GLDC: variants seen among roughly 807,000 people sequenced by gnomAD.
The protein encoded by GLDC is glycine decarboxylase.
A neutral mutation model predicts 121.3 loss-of-function variants in GLDC; 104 were observed. The observed-to-expected ratio is 0.86, with a 90% CI of 0.73 to 1.01. The LOEUF (loss-of-function observed/expected upper bound fraction) is 1.01. Ranked by LOEUF, GLDC falls within the 50% of genes least tolerant of loss-of-function variation. The pLI, the probability that GLDC is intolerant of heterozygous loss-of-function variation, is 0.00. For missense variants in GLDC, 1,429 were observed against 1,306.6 expected (o/e 1.09, Z -1.44); for synonymous variants, 546 against 480.6 (o/e 1.14, Z -1.78).
intron 16 of GLDC, among the ~76,000 whole-genome samples, chr9:6,560,293 C>A (rs971565038): frequency 6.6e-6 from 1 of 152,210 alleles, no homozygotes; most frequent in Non-Finnish European, 1.5e-5. Flanking sequence ...GCTTACAGCT[C>A]TTTCCTCAAA....
In GLDC at chr9:6,589,267, T is replaced by C; in HGVS notation, c.1508A>G (p.Glu503Gly). 1 of 1,608,928 alleles carries C rather than the reference T, an allele frequency of 6.2e-7. No individual in the cohort carries two copies. Among genetic ancestry groups the C allele is most frequent in the Non-Finnish European group, 8.5e-7 (1 of 1,175,330 alleles). ...AGACCCTGGAATACCTCTGCACTCC[T>C]CTCCCATGCTTTCAGCAACCAGTTC... is the stretch of plus-strand genomic sequence containing the variant. Reference protein sequence around the residue: ...SAELVAESMGEECRGIPGSVF... With the variant: ...SAELVAESMGGECRGIPGSVF... Residue 503 changes from glutamate to glycine, a missense_variant, in exon 12 of 25, where the codon GAG becomes GGG. Transcript: ENST00000321612.
At chr9:6,587,427 C>A in intron 14 of GLDC, 144 bp from the exon 15 acceptor site, 1 of 679,620 alleles carries the variant, frequency 1.5e-6, no homozygotes, top group South Asian at 1.7e-5. Flanking sequence ...TATTTAAGTT[C>A]CACCACAACC....
intron 11 of GLDC, among the ~76,000 whole-genome samples, chr9:6,590,961 T>C (rs1342758491): frequency 6.6e-6 from 1 of 152,230 alleles, no homozygotes; most frequent in Non-Finnish European, 1.5e-5. Context: ...CACTCAGCAC[T>C]CTGGAAGGTA....
intron 2 of GLDC, among the ~76,000 whole-genome samples, chr9:6,634,372 T>C (rs544630397): frequency 6.6e-6 from 1 of 151,690 alleles, no homozygotes; most frequent in East Asian, 1.9e-4. Flanking sequence ...CTACAAAAAA[T>C]ACAAAATGTA....
At chr9:6,633,821 CTTTTTTTTTT>C (rs1156711956) in intron 2 of GLDC, among the ~76,000 whole-genome samples, 42 of 89,458 alleles carry the variant, frequency 4.7e-4, no homozygotes, top group South Asian at 1.3e-3. Context: ...GCAGGAGAAT[CTTTTTTTTTT>C]TTTTTTTTTT....
At chr9:6,563,373 C>G (rs1326828569) in intron 16 of GLDC, among the ~76,000 whole-genome samples, 4 of 152,260 alleles carry the variant, frequency 2.6e-5, no homozygotes, top group African/African-American at 9.6e-5. Flanking sequence ...GCAAACACTG[C>G]TTTCTGCGGC....
chr9:6,569,340 C>T (rs960159546), intron 15 of GLDC: 4 of 152,104 alleles, frequency 2.6e-5, no homozygotes, highest in Non-Finnish European at 4.4e-5. Flanking sequence ...AGAACCCTAG[C>T]CAAACATACT....
chr9:6,596,353 A>G (rs1818494099), intron 8 of GLDC, among the ~76,000 whole-genome samples: 1 of 152,218 alleles, frequency 6.6e-6, no homozygotes, highest in Non-Finnish European at 1.5e-5. Flanking sequence ...CTTTTTAAAA[A>G]CTTCAAAGGG....
At position 6,539,588 on chromosome 9, in the gene GLDC, A is replaced by G. The variant is rs145520610; in HGVS notation, c.2665+463T>C. 3.3e-4 allele frequency among the ~76,000 whole-genome samples: 50 copies of G among 152,296 alleles called. No individual in the cohort carries two copies. In the East Asian group the frequency reaches 5.6e-3, roughly 17 times the overall value. ...ATGAACACCCACTAATGCACAGGTAAAGTGTCCGTGTCTTTCAAAATGCTT... is the reference window on the plus strand; with the variant it reads ...ATGAACACCCACTAATGCACAGGTAGAGTGTCCGTGTCTTTCAAAATGCTT... On this transcript the variant is annotated intron_variant, in intron 22 of 24. Coordinates refer to ENST00000321612, the MANE Select transcript of GLDC (RefSeq NM_000170.3).
intron 8 of GLDC, among the ~76,000 whole-genome samples, chr9:6,601,464 G>A (rs1408837240): frequency 1.3e-5 from 2 of 152,142 alleles, no homozygotes; most frequent in African/African-American, 4.8e-5. Context: ...CTTACGCTTT[G>A]CCTGTTCAGG....
intron 8 of GLDC, 71 bp from the exon 9 acceptor site, chr9:6,595,190 T>A: frequency 9.8e-7 from 1 of 1,017,304 alleles, no homozygotes; most frequent in Non-Finnish European, 1.6e-6. Flanking sequence ...TTACTTGACT[T>A]GGGATGTCAA....
chr9:6,551,560 T>C (rs555678809), intron 20 of GLDC, among the ~76,000 whole-genome samples: 12 of 152,214 alleles, frequency 7.9e-5, no homozygotes, highest in Admixed American at 1.3e-4. Context: ...GTAAAGAGAA[T>C]GAGAGAGCAC....
At chr9:6,619,095 A>T (rs1170594174) in intron 3 of GLDC, among the ~76,000 whole-genome samples, 1 of 141,842 alleles carries the variant, frequency 7.1e-6, no homozygotes, top group Non-Finnish European at 1.5e-5. Context: ...GTGAGCCAAG[A>T]TCATCCCACT....
intron 8 of GLDC, among the ~76,000 whole-genome samples, chr9:6,601,366 G>C (rs1237320683): frequency 2.6e-5 from 4 of 152,134 alleles, no homozygotes; most frequent in Non-Finnish European, 4.4e-5. Context: ...CCAACGCCAA[G>C]AATACTAGAG....
intron 15 of GLDC, among the ~76,000 whole-genome samples, chr9:6,571,621 G>T (rs1456468901): frequency 2.6e-5 from 4 of 152,168 alleles, no homozygotes; most frequent in Non-Finnish European, 4.4e-5. Context: ...ATACACAGTG[G>T]ATATGCTGGA....
At chr9:6,620,102 G>C (rs367903606) in intron 3 of GLDC, 82 bp downstream of exon 3, 2 of 1,407,532 alleles carry the variant, frequency 1.4e-6, no homozygotes, top group African/African-American at 2.8e-5. Context: ...TGGAGGCTCT[G>C]AGACTGCAAG....
chr9:6,615,183 A>C (rs1386070791), intron 3 of GLDC, among the ~76,000 whole-genome samples: 2 of 152,200 alleles, frequency 1.3e-5, no homozygotes, highest in Non-Finnish European at 2.9e-5. Context: ...AAGGTTATTC[A>C]AGTGAATAAT....
intron 16 of GLDC, among the ~76,000 whole-genome samples, chr9:6,563,771 A>G (rs1169922462): frequency 3.9e-5 from 6 of 152,196 alleles, no homozygotes; most frequent in African/African-American, 1.2e-4. Context: ...CTGGACTGGC[A>G]AGCAGTCCTT....
intron 16 of GLDC, 100 bp from the exon 17 acceptor site, chr9:6,558,784 C>G (rs1279794359): frequency 2.4e-6 from 3 of 1,242,572 alleles, no homozygotes; most frequent in African/African-American, 3.0e-5. Context: ...AAATTAGACA[C>G]CACCTGTTTT....
Sources: gnomAD v4.1 joint callset for allele counts (sites outside exome capture counted in the v4.1 genomes callset) on GRCh38, gnomAD v4.1.1 for gene constraint, MANE v1.5 for transcripts, NCBI Gene and HGNC (gene_info 2026-07-23, HGNC 2026-07-21) for gene names.